Variants in SSU72L4 observed in about 807,000 individuals in gnomAD.
The protein encoded by SSU72L4 is RNA polymerase II subunit A C-terminal domain phosphatase SSU72 like protein 4.
At chr11:4,287,113 C>T in the SSU72L4 span, among the ~76,000 whole-genome samples, 1 of 147,146 alleles carries the variant, frequency 6.8e-6, no homozygotes, top group Non-Finnish European at 1.5e-5. Context: ...TTAAAAGGTG[C>T]TTATCTATAC....
the SSU72L4 span, among the ~76,000 whole-genome samples, chr11:4,287,160 A>G: frequency 7.2e-6 from 1 of 138,132 alleles, no homozygotes; most frequent in Non-Finnish European, 1.5e-5. Context: ...TAAACAAATC[A>G]TTTTTCCAGC....
At chr11:4,287,291 C>G in the SSU72L4 span, among the ~76,000 whole-genome samples, 34,662 of 92,612 alleles carry the variant, frequency 0.37, 3,878 homozygotes, top group Non-Finnish European at 0.42. Context: ...ACAATGCCAA[C>G]CATTTTTCAG....
the SSU72L4 span, among the ~76,000 whole-genome samples, chr11:4,287,169 G>A: frequency 7.5e-5 from 10 of 134,116 alleles, no homozygotes; most frequent in African/African-American, 2.8e-4. Flanking sequence ...CATTTTTCCA[G>A]CAGTCCATTA....
At chr11:4,287,260 A>T in the SSU72L4 span, among the ~76,000 whole-genome samples, 1 of 119,796 alleles carries the variant, frequency 8.3e-6, no homozygotes, top group Non-Finnish European at 1.7e-5. Context: ...GAAATTAGTT[A>T]TGCCATGTAA....
chr11:4,287,686 G>A, the SSU72L4 span: 2 of 607,044 alleles, frequency 3.3e-6, no homozygotes, highest in Non-Finnish European at 5.8e-6. Flanking sequence ...CACGTGCACA[G>A]GCTGAAAGGT....
chr11:4,287,136 C>G, the SSU72L4 span, among the ~76,000 whole-genome samples: 48 of 144,850 alleles, frequency 3.3e-4, no homozygotes, highest in African/African-American at 1.2e-3. Flanking sequence ...TGTTATTTAT[C>G]TGCTGAATAC....
chr11:4,287,269 A>T, the SSU72L4 span, among the ~76,000 whole-genome samples: 1 of 118,814 alleles, frequency 8.4e-6, no homozygotes, highest in African/African-American at 3.2e-5. Flanking sequence ...TATGCCATGT[A>T]ATGCACCTAG....
At chr11:4,287,222 T>A in the SSU72L4 span, among the ~76,000 whole-genome samples, 2 of 120,838 alleles carry the variant, frequency 1.7e-5, no homozygotes, top group Admixed American at 1.8e-4. Flanking sequence ...CATGGTGGGC[T>A]AGCTTTCTTG....
At chr11:4,288,168 A>G in the SSU72L4 span, 1 of 124,822 alleles carries the variant, frequency 8.0e-6, no homozygotes, top group Non-Finnish European at 1.5e-5. Context: ...ACCTATACCC[A>G]GGTCTTCCAA....
chr11:4,287,266 T>A, the SSU72L4 span, among the ~76,000 whole-genome samples: 3 of 120,264 alleles, frequency 2.5e-5, no homozygotes, highest in South Asian at 1.0e-3. Context: ...AGTTATGCCA[T>A]GTAATGCACC....
chr11:4,287,660 G>A, the SSU72L4 span: 1 of 666,640 alleles, frequency 1.5e-6, no homozygotes, highest in Non-Finnish European at 2.7e-6. Context: ...AGGGTATCTT[G>A]GATGTCCATG....
the SSU72L4 span, chr11:4,287,708 T>G: frequency 1.9e-6 from 1 of 533,126 alleles, no homozygotes; most frequent in Non-Finnish European, 3.2e-6. Flanking sequence ...TGCTGTTCTC[T>G]GGAACACAGA....
the SSU72L4 span, among the ~76,000 whole-genome samples, chr11:4,287,093 G>A: frequency 1.5e-4 from 23 of 149,014 alleles, no homozygotes; most frequent in African/African-American, 4.7e-4. Flanking sequence ...ATTGAGAAAA[G>A]GAAGTTTATT....
the SSU72L4 span, among the ~76,000 whole-genome samples, chr11:4,287,257 G>C: frequency 8.4e-6 from 1 of 119,662 alleles, no homozygotes; most frequent in African/African-American, 3.1e-5. Flanking sequence ...CATGAAATTA[G>C]TTATGCCATG....
chr11:4,287,485 G>T, the SSU72L4 span: 2 of 603,854 alleles, frequency 3.3e-6, no homozygotes, highest in East Asian at 2.9e-5. Context: ...AGGGGACAAA[G>T]CCAGCCCAGA....
the SSU72L4 span, among the ~76,000 whole-genome samples, chr11:4,287,127 GTTAT>G: frequency 6.8e-6 from 1 of 146,116 alleles, no homozygotes; most frequent in Non-Finnish European, 1.5e-5. Context: ...TCTATACAAT[GTTAT>G]TTATCTGCTG....
the SSU72L4 span, chr11:4,288,106 A>C: frequency 1.1e-5 from 2 of 175,932 alleles, no homozygotes; most frequent in Non-Finnish European, 1.9e-5. Flanking sequence ...TGGGAACCAG[A>C]GAGACACAGG....
the SSU72L4 span, chr11:4,287,675 TC>T: frequency 1.6e-6 from 1 of 640,456 alleles, no homozygotes; most frequent in Non-Finnish European, 2.8e-6. Context: ...TCCATGTTGA[TC>T]ACGTGCACAG....
the SSU72L4 span, among the ~76,000 whole-genome samples, chr11:4,287,118 C>T: frequency 6.8e-6 from 1 of 147,136 alleles, no homozygotes; most frequent in South Asian, 2.3e-4. Context: ...AGGTGCTTAT[C>T]TATACAATGT....
Sources: gnomAD v4.1 joint callset for allele counts (sites outside exome capture counted in the v4.1 genomes callset) on GRCh38, gnomAD v4.1.1 for gene constraint, MANE v1.5 for transcripts, NCBI Gene and HGNC (gene_info 2026-07-23, HGNC 2026-07-21) for gene names.